GRIN2A: variants seen among roughly 807,000 people sequenced by gnomAD.
GRIN2A encodes glutamate receptor ionotropic, NMDA 2A.
In GRIN2A, 22 loss-of-function variants were observed where a neutral mutation model predicts 113.4. That is an observed-to-expected ratio of 0.19 (90% CI 0.14 to 0.28). The LOEUF is 0.28. Ranked by LOEUF, GRIN2A falls within the 10% of genes least tolerant of loss-of-function variation. The pLI, the probability that GRIN2A is intolerant of heterozygous loss-of-function variation, is 1.00. For synonymous variants in GRIN2A, 827 were observed against 738.4 expected (o/e 1.12, Z -1.94); for missense variants, 1,502 against 1,887.0 (o/e 0.80, Z 3.78).
chr16:9,935,842 C>T (rs2044702669), intron 3 of GRIN2A, among the ~76,000 whole-genome samples: 1 of 152,110 alleles, frequency 6.6e-6, no homozygotes, highest in African/African-American at 2.4e-5. Flanking sequence ...GCTGGGATCA[C>T]AGGCATGCTC....
intron 2 of GRIN2A, among the ~76,000 whole-genome samples, chr16:10,029,111 C>G (rs1041423049): frequency 6.6e-6 from 1 of 152,174 alleles, no homozygotes; most frequent in African/African-American, 2.4e-5. Flanking sequence ...CTTTCTGTCC[C>G]CACTGAATCC....
intron 2 of GRIN2A, among the ~76,000 whole-genome samples, chr16:10,101,683 C>A (rs1046185887): frequency 6.6e-6 from 1 of 152,142 alleles, no homozygotes; most frequent in Non-Finnish European, 1.5e-5. Context: ...GCAAGGAAAA[C>A]CTGGGCTGTC....
At chr16:10,178,658 G>C (rs573749997) in intron 2 of GRIN2A, among the ~76,000 whole-genome samples, 32 of 152,336 alleles carry the variant, frequency 2.1e-4, no homozygotes, top group African/African-American at 7.5e-4. Flanking sequence ...TGTTTAATAA[G>C]ACACTGCATC....
At chr16:10,106,424 T>G (rs2048503076) in intron 2 of GRIN2A, among the ~76,000 whole-genome samples, 1 of 151,656 alleles carries the variant, frequency 6.6e-6, no homozygotes. Flanking sequence ...TTAAAAAAAT[T>G]TACAATAAAT....
At chr16:9,876,673 C>A (rs2043373421) in intron 4 of GRIN2A, among the ~76,000 whole-genome samples, 1 of 152,134 alleles carries the variant, frequency 6.6e-6, no homozygotes, top group Non-Finnish European at 1.5e-5. Context: ...ACAGGCCTGG[C>A]ACTGAGTCAG....
intron 10 of GRIN2A, among the ~76,000 whole-genome samples, chr16:9,805,970 A>T (rs555378727): frequency 1.6e-4 from 25 of 152,366 alleles, no homozygotes; most frequent in African/African-American, 6.0e-4. Context: ...AAAATGGCCT[A>T]GAATCACATT....
At chr16:10,110,867 G>A (rs1374371697) in intron 2 of GRIN2A, among the ~76,000 whole-genome samples, 1 of 152,158 alleles carries the variant, frequency 6.6e-6, no homozygotes, top group Non-Finnish European at 1.5e-5. Context: ...TCAGAGGGCC[G>A]CCCTCTGAAT....
chr16:10,173,405 G>A (rs982097448), intron 2 of GRIN2A, among the ~76,000 whole-genome samples: 5 of 152,168 alleles, frequency 3.3e-5, no homozygotes, highest in African/African-American at 9.7e-5. Context: ...CAGGCCTTTC[G>A]TATGTAACCC....
intron 8 of GRIN2A, among the ~76,000 whole-genome samples, chr16:9,830,480 CAAA>C (rs71400501): frequency 6.8e-4 from 50 of 73,042 alleles, no homozygotes; most frequent in African/African-American, 1.8e-3. Flanking sequence ...TCTGCATGGG[CAAA>C]AAAAAAAAAA....
intron 2 of GRIN2A, among the ~76,000 whole-genome samples, chr16:10,086,959 T>C (rs2048097398): frequency 6.6e-6 from 1 of 152,192 alleles, no homozygotes; most frequent in African/African-American, 2.4e-5. Flanking sequence ...GGTTTTCTCT[T>C]GAGCATGAAT....
rs375033156 is a variant in GRIN2A at position 9,783,979 on chromosome 16, G to A, written c.2356+14298C>T. On this transcript the variant is annotated intron_variant, in intron 11 of 12. Transcript: ENST00000330684. ...CACTGGGGCCTAATGGAGGGTGGAG[G>A]ATAGGAGGAGGGAGAGGATCAGGAA... 1.2e-3 allele frequency among the ~76,000 whole-genome samples: 182 copies of A among 152,234 alleles called. 1 individual carries two copies. The highest frequency in any genetic ancestry group is 3.9e-3 in the African/African-American group (162 of 41,532).
At chr16:9,812,225 T>C (rs7184325) in intron 10 of GRIN2A, among the ~76,000 whole-genome samples, 51,118 of 152,100 alleles carry the variant, frequency 0.34, 9,951 homozygotes, top group African/African-American at 0.54. Flanking sequence ...GATGAAAATC[T>C]TGATGGTCAC....
chr16:9,788,517 T>G (rs1033721442), intron 11 of GRIN2A, among the ~76,000 whole-genome samples: 17 of 151,848 alleles, frequency 1.1e-4, no homozygotes, highest in Non-Finnish European at 1.9e-4. Flanking sequence ...CTTGGCCTCC[T>G]AAAGTGCCGG....
intron 2 of GRIN2A, among the ~76,000 whole-genome samples, chr16:10,134,309 C>G (rs1044981946): frequency 3.3e-5 from 5 of 152,098 alleles, no homozygotes; most frequent in African/African-American, 9.7e-5. Flanking sequence ...GAGGCTCTAC[C>G]CTCTGAGTAA....
intron 3 of GRIN2A, among the ~76,000 whole-genome samples, chr16:9,918,367 G>A (rs2044293626): frequency 6.6e-6 from 1 of 152,110 alleles, no homozygotes; most frequent in African/African-American, 2.4e-5. Context: ...ACATACCTAT[G>A]ATAAAGTTCA....
intron 10 of GRIN2A, among the ~76,000 whole-genome samples, chr16:9,810,164 T>A (rs1457269570): frequency 4.6e-5 from 7 of 152,104 alleles, no homozygotes; most frequent in South Asian, 2.1e-4. Context: ...GCCAGCACAA[T>A]TACCACCTGA....
chr16:9,960,470 T>A (rs1450568858), intron 2 of GRIN2A, among the ~76,000 whole-genome samples: 1 of 152,226 alleles, frequency 6.6e-6, no homozygotes, highest in Admixed American at 6.5e-5. Flanking sequence ...TTTTCCATAA[T>A]TAGCCTGTTT....
chr16:9,822,256 A>G lies in GRIN2A; in HGVS notation c.2168+8T>C. 6 of 1,613,714 alleles carry G rather than the reference A, an allele frequency of 3.7e-6. No homozygotes were observed. Among genetic ancestry groups the G allele is most frequent in the Non-Finnish European group, 5.1e-6 (6 of 1,179,670 alleles). On this transcript the variant is annotated splice_region_variant and intron_variant, in intron 10 of 12. Transcript: ENST00000330684. Reference sequence around the variant, plus strand: ...GACCTGTGGTGAAAAGGAAACTGCCATCCTTACCCCGTTTTCAGGCTGACC... The same window carrying G: ...GACCTGTGGTGAAAAGGAAACTGCCGTCCTTACCCCGTTTTCAGGCTGACC...
At chr16:9,878,187 G>T (rs1596530713) in intron 4 of GRIN2A, among the ~76,000 whole-genome samples, 1 of 152,202 alleles carries the variant, frequency 6.6e-6, no homozygotes, top group Non-Finnish European at 1.5e-5. Context: ...AACAATTTGG[G>T]TTTGCGACTG....
Sources: allele counts gnomAD v4.1 joint callset (sites outside exome capture counted in the v4.1 genomes callset), GRCh38; gene constraint gnomAD v4.1.1; transcripts MANE v1.5; gene names NCBI Gene and HGNC (gene_info 2026-07-23, HGNC 2026-07-21).